Variants in ITGBL1 observed in about 807,000 individuals in gnomAD.
ITGBL1 encodes integrin subunit beta like 1.
In ITGBL1, 51 loss-of-function variants were observed where a neutral mutation model predicts 68.5. That is an observed-to-expected ratio of 0.74 (90% CI 0.59 to 0.94). The LOEUF is 0.94. Among genes scored for constraint, ITGBL1 ranks in the 40% least tolerant of loss-of-function variants. ITGBL1 has a pLI of 0.00. For missense variants in ITGBL1, 649 were observed against 647.4 expected, an observed-to-expected ratio of 1.00 and a Z score of -0.03; for synonymous variants, 209 against 227.3, an observed-to-expected ratio of 0.92 and a Z score of 0.72.
chr13:101,520,962 C>T (rs1268418902), intron 2 of ITGBL1, among the ~76,000 whole-genome samples: 1 of 152,172 alleles, frequency 6.6e-6, no homozygotes, highest in Admixed American at 6.5e-5. Flanking sequence ...GCTTGAACAT[C>T]GTCCTTTTGT....
At chr13:101,544,380 C>T (rs1271159639) in intron 2 of ITGBL1, among the ~76,000 whole-genome samples, 1 of 152,180 alleles carries the variant, frequency 6.6e-6, no homozygotes, top group Admixed American at 6.5e-5. Context: ...TATTGGTGAA[C>T]AGCAAATGTT....
At chr13:101,562,895 G>A (rs2050123081) in intron 2 of ITGBL1, among the ~76,000 whole-genome samples, 1 of 151,176 alleles carries the variant, frequency 6.6e-6, no homozygotes, top group African/African-American at 2.4e-5. Flanking sequence ...TCATCTTCTG[G>A]GTCATAATAG....
intron 7 of ITGBL1, among the ~76,000 whole-genome samples, chr13:101,630,594 A>AC (rs1275272401): frequency 1.3e-5 from 2 of 152,112 alleles, no homozygotes; most frequent in African/African-American, 4.8e-5. Context: ...CTTAGAGAAG[A>AC]CCCATAACTC....
chr13:101,645,021 T>G (rs187866445), intron 7 of ITGBL1, among the ~76,000 whole-genome samples: 1 of 152,256 alleles, frequency 6.6e-6, no homozygotes, highest in Admixed American at 6.5e-5. Flanking sequence ...AGGAATAATT[T>G]TTGACTCAAT....
At chr13:101,686,550 A>G (rs1234729183) in intron 7 of ITGBL1, among the ~76,000 whole-genome samples, 1 of 151,968 alleles carries the variant, frequency 6.6e-6, no homozygotes, top group Non-Finnish European at 1.5e-5. Flanking sequence ...ATAGCATTAA[A>G]ATGCTATCCA....
intron 7 of ITGBL1, among the ~76,000 whole-genome samples, chr13:101,606,195 C>T (rs1339264809): frequency 3.1e-5 from 4 of 128,318 alleles, no homozygotes; most frequent in Non-Finnish European, 6.5e-5. Context: ...TATATATAGC[C>T]TTATATCATA....
At position 101,696,067 on chromosome 13, in the gene ITGBL1, G is replaced by C. The variant is rs143187880; in HGVS notation, c.1132+3366G>C. Among the ~76,000 whole-genome samples, 9 of 152,250 alleles carry C rather than the reference G, an allele frequency of 5.9e-5. No individual in the cohort carries two copies. The East Asian group carries it at 1.7e-3, about 29-fold the overall frequency. On this transcript the variant is annotated intron_variant, in intron 8 of 10. Transcript: ENST00000376180. ...CCAGAAAAGCCTCAACATCTGTGCA[G>C]TGTGGATCTCATCTCTGTGCATATG... is the stretch of plus-strand genomic sequence containing the variant.
At chr13:101,720,379 A>AAAAC (rs2034887998), downstream of ITGBL1, 11 of 152,182 alleles carry the variant, frequency 7.2e-5, no homozygotes, top group South Asian at 2.1e-3. Flanking sequence ...CCCCATATAT[A>AAAAC]AAACACAACA....
intron 2 of ITGBL1, among the ~76,000 whole-genome samples, chr13:101,550,885 A>G (rs2049910190): frequency 6.6e-6 from 1 of 152,250 alleles, no homozygotes; most frequent in Non-Finnish European, 1.5e-5. Flanking sequence ...AAAAAATAGA[A>G]CAAAGCTTAA....
chr13:101,567,624 T>C, intron 2 of ITGBL1, 75 bp from the exon 3 acceptor site: 1 of 1,392,468 alleles, frequency 7.2e-7, no homozygotes, highest in Non-Finnish European at 9.9e-7. Context: ...AATGTCACTG[T>C]TAAGAGTATG....
intron 7 of ITGBL1, among the ~76,000 whole-genome samples, chr13:101,613,809 A>T (rs1359997295): frequency 6.6e-6 from 1 of 151,994 alleles, no homozygotes; most frequent in Admixed American, 6.6e-5. Flanking sequence ...GGCGTCCGGG[A>T]TTTTAAAAGC....
chr13:101,670,204 T>A (rs2033323306), intron 7 of ITGBL1, among the ~76,000 whole-genome samples: 1 of 152,210 alleles, frequency 6.6e-6, no homozygotes, highest in Non-Finnish European at 1.5e-5. Context: ...CTGCTCAAGG[T>A]ACTAGTTTTC....
At chr13:101,510,445 A>G (rs543294379) in intron 2 of ITGBL1, among the ~76,000 whole-genome samples, 37 of 152,198 alleles carry the variant, frequency 2.4e-4, no homozygotes, top group African/African-American at 8.7e-4. Flanking sequence ...TGTTTTTGCT[A>G]TTGTGAATAG....
At chr13:101,630,889 G>A (rs948359396) in intron 7 of ITGBL1, among the ~76,000 whole-genome samples, 28 of 152,070 alleles carry the variant, frequency 1.8e-4, no homozygotes, top group Non-Finnish European at 3.1e-4. Flanking sequence ...ATCTTTTACT[G>A]CAATCAGTAA....
intron 2 of ITGBL1, among the ~76,000 whole-genome samples, chr13:101,460,200 C>T (rs900421362): frequency 3.9e-5 from 6 of 152,164 alleles, no homozygotes; most frequent in Non-Finnish European, 5.9e-5. Flanking sequence ...CCCTCTCTTT[C>T]GCAAAATAGC....
chr13:101,637,635 G>A (rs887907263), intron 7 of ITGBL1, among the ~76,000 whole-genome samples: 6 of 152,146 alleles, frequency 3.9e-5, no homozygotes, highest in Non-Finnish European at 5.9e-5. Context: ...GAGCCACCAT[G>A]CACCATGGAA....
chr13:101,564,792 T>C (rs1594893291), intron 2 of ITGBL1, among the ~76,000 whole-genome samples: 1 of 151,272 alleles, frequency 6.6e-6, no homozygotes, highest in East Asian at 1.9e-4. Context: ...TATATAGTCA[T>C]ATATAAAAAA....
chr13:101,693,747 T>G (rs1159242231), intron 8 of ITGBL1, among the ~76,000 whole-genome samples: 1 of 152,176 alleles, frequency 6.6e-6, no homozygotes, highest in African/African-American at 2.4e-5. Flanking sequence ...ATAAGACATT[T>G]GAAACCTGAC....
At chr13:101,608,235 T>A (rs1003823604) in intron 7 of ITGBL1, among the ~76,000 whole-genome samples, 1 of 152,058 alleles carries the variant, frequency 6.6e-6, no homozygotes, top group African/African-American at 2.4e-5. Flanking sequence ...TTTCAAAGAA[T>A]AGTAGCATGC....
Sources: gnomAD v4.1 joint callset for allele counts (sites outside exome capture counted in the v4.1 genomes callset) on GRCh38, gnomAD v4.1.1 for gene constraint, MANE v1.5 for transcripts, NCBI Gene and HGNC (gene_info 2026-07-23, HGNC 2026-07-21) for gene names.